Variants in KYNU observed in about 807,000 individuals in gnomAD.
KYNU encodes kynureninase.
Under a neutral mutation model 59.2 loss-of-function variants are expected in KYNU, and 54 were observed. The observed-to-expected ratio is 0.91, with a 90% confidence interval of 0.73 to 1.14. The LOEUF (loss-of-function observed/expected upper bound fraction) is 1.14, where lower values mean the gene tolerates loss of function less well. KYNU is among the 50% of genes most tolerant of loss of function. The pLI is 0.00. For missense variants in KYNU, 567 were observed against 554.4 expected (o/e 1.02, Z -0.23); for synonymous variants, 177 against 192.0 (o/e 0.92, Z 0.65).
intron 4 of KYNU, among the ~76,000 whole-genome samples, chr2:142,949,199 C>T (rs1371408896): frequency 6.6e-6 from 1 of 152,208 alleles, no homozygotes; most frequent in East Asian, 1.9e-4. Context: ...CTCCCAGCTG[C>T]CTTCATGGGC....
intron 10 of KYNU, among the ~76,000 whole-genome samples, chr2:143,010,108 A>T (rs548005334): frequency 3.0e-4 from 43 of 143,856 alleles, no homozygotes; most frequent in Non-Finnish European, 5.7e-4. Context: ...TTAGGAAAAG[A>T]GGAAGTCAAA....
intron 12 of KYNU, among the ~76,000 whole-genome samples, chr2:143,037,572 A>G (rs920220506): frequency 1.2e-4 from 19 of 152,180 alleles, no homozygotes; most frequent in Admixed American, 9.8e-4. Context: ...AAATATGACA[A>G]TTGAAAACAT....
At position 142,918,880 on chromosome 2, in the gene KYNU, A is replaced by G. The variant is rs942337642; in HGVS notation, c.290+151A>G. On this transcript the variant is annotated intron_variant, in intron 3 of 13. Transcript: ENST00000264170. ...GGAGGATTAGTTCCAGGGCCTCCCTATCATTCCAAAATCCACAATGGTCAA... is the reference window on the plus strand; with the variant it reads ...GGAGGATTAGTTCCAGGGCCTCCCTGTCATTCCAAAATCCACAATGGTCAA... The G allele has an allele frequency of 1.4e-5, 12 of 865,218 alleles. No individual in the cohort carries two copies. The African/African-American group carries it at 1.9e-4, about 14-fold the overall frequency. 53.6% of individuals were successfully genotyped at this position (865,218 alleles called of 1,614,324 possible). A position where few individuals can be genotyped will look rare whatever the true frequency, so the allele number is the denominator to read the frequency against.
intron 2 of KYNU, among the ~76,000 whole-genome samples, chr2:142,887,202 A>G (rs1681547869): frequency 6.6e-6 from 1 of 151,608 alleles, no homozygotes; most frequent in South Asian, 2.1e-4. Flanking sequence ...ACAAAATAGC[A>G]TTGTACCTCA....
intron 2 of KYNU, among the ~76,000 whole-genome samples, chr2:142,894,406 A>C (rs1359704479): frequency 1.3e-5 from 2 of 152,222 alleles, no homozygotes; most frequent in African/African-American, 4.8e-5. Flanking sequence ...AACACAAAAA[A>C]ATCTTCACTC....
intron 3 of KYNU, among the ~76,000 whole-genome samples, chr2:142,926,679 G>A (rs1398199219): frequency 1.3e-5 from 2 of 152,204 alleles, no homozygotes; most frequent in African/African-American, 4.8e-5. Flanking sequence ...CCAGGGTGGA[G>A]ACTTTAGCAT....
intron 10 of KYNU, among the ~76,000 whole-genome samples, chr2:143,006,145 C>T (rs890952987): frequency 1.3e-5 from 2 of 152,174 alleles, no homozygotes; most frequent in Admixed American, 6.5e-5. Flanking sequence ...TCTGAGGTAC[C>T]GGGTTCATCT....
intron 2 of KYNU, among the ~76,000 whole-genome samples, chr2:142,905,650 T>C (rs552233509): frequency 2.0e-4 from 30 of 152,378 alleles, no homozygotes; most frequent in African/African-American, 7.2e-4. Context: ...AGGATAGCTC[T>C]GAACTGGTTA....
chr2:143,013,296 C>CTG (rs960835921), intron 10 of KYNU, among the ~76,000 whole-genome samples: 2 of 120,658 alleles, frequency 1.7e-5, no homozygotes, highest in South Asian at 5.6e-4. Context: ...CTGTCTCTTT[C>CTG]TCTGTGTGTG....
chr2:142,958,626 G>T (rs1280117622), intron 7 of KYNU, among the ~76,000 whole-genome samples: 1 of 152,128 alleles, frequency 6.6e-6, no homozygotes, highest in East Asian at 1.9e-4. Flanking sequence ...TATAAATTGA[G>T]AGGATATAAA....
chr2:142,923,173 G>C (rs1173812089), intron 3 of KYNU, among the ~76,000 whole-genome samples: 2 of 152,212 alleles, frequency 1.3e-5, no homozygotes, highest in Non-Finnish European at 2.9e-5. Context: ...ACATTCAGAT[G>C]ATAGTAGAAC....
At chr2:142,939,718 A>G (rs1370123806) in intron 4 of KYNU, among the ~76,000 whole-genome samples, 1 of 152,152 alleles carries the variant, frequency 6.6e-6, no homozygotes, top group Non-Finnish European at 1.5e-5. Flanking sequence ...AAAATTAACA[A>G]ACATATAGCA....
intron 8 of KYNU, among the ~76,000 whole-genome samples, chr2:142,963,828 T>G (rs1684434034): frequency 6.6e-6 from 1 of 152,204 alleles, no homozygotes. Flanking sequence ...ATTCCTTACC[T>G]GAAATACTTG....
At chr2:142,885,299 T>G (rs1681464925) in intron 1 of KYNU, 50 bp from the exon 2 acceptor site, 1 of 1,514,824 alleles carries the variant, frequency 6.6e-7, no homozygotes, top group African/African-American at 1.4e-5. Flanking sequence ...GGGCTCATTT[T>G]CTACAGGAAA....
rs375714486 is a variant in KYNU, at chr2:142,957,713, G to A, written c.580G>A (p.Glu194Lys). 5.0e-5 allele frequency: 78 copies of A among 1,574,806 alleles called. No individual in the cohort carries two copies. The South Asian group carries it at 8.1e-4, about 16-fold the overall frequency. ...AAGTATGCGGATGATAAAGCCAAGA[G>A]AGGTATATGAGAAAGAAAGAAATAT... ...EESMRMIKPR[E>K]GEETLRIEDI... Residue 194 changes from glutamate (E) to lysine (K), a missense_variant and splice_region_variant, in exon 7 of 14, where the codon GAG becomes AAG. Transcript: ENST00000264170.
chr2:143,029,596 CA>C, intron 10 of KYNU, 30 bp from the exon 11 acceptor site: 1 of 1,543,352 alleles, frequency 6.5e-7, no homozygotes, highest in South Asian at 1.1e-5. Flanking sequence ...AAAAAACCCC[CA>C]AAAACCTAAT....
chr2:142,992,139 G>A (rs867354912), intron 10 of KYNU, among the ~76,000 whole-genome samples: 21 of 151,970 alleles, frequency 1.4e-4, no homozygotes, highest in Middle Eastern at 3.4e-3. Context: ...CATGATGCAA[G>A]TGAATTTGGA....
At chr2:142,932,728 G>A (rs1683265324) in intron 4 of KYNU, among the ~76,000 whole-genome samples, 1 of 132,648 alleles carries the variant, frequency 7.5e-6, no homozygotes, top group Admixed American at 8.2e-5. Context: ...GTAGTGCCTA[G>A]GGGCAGTGGA....
chr2:143,031,571 G>C (rs1173043813), intron 11 of KYNU, among the ~76,000 whole-genome samples: 2 of 152,032 alleles, frequency 1.3e-5, no homozygotes, highest in Non-Finnish European at 2.9e-5. Context: ...AAAAACTACA[G>C]AAATTAGCCA....
Sources: allele counts gnomAD v4.1 joint callset (sites outside exome capture counted in the v4.1 genomes callset), GRCh38; gene constraint gnomAD v4.1.1; transcripts MANE v1.5; gene names NCBI Gene and HGNC (gene_info 2026-07-23, HGNC 2026-07-21).